The following THADA variants were observed in gnomAD, a reference collection of about 807,000 sequenced individuals.
THADA encodes the protein THADA armadillo repeat containing, also known as tRNA (32-2'-O)-methyltransferase regulator THADA.
THADA carries 213 observed loss-of-function variants against 219.8 expected under a neutral mutation model. The observed-to-expected ratio is 0.97, with a 90% confidence interval of 0.87 to 1.09. THADA has a LOEUF of 1.09. Ranked by LOEUF, THADA falls within the 50% of genes least tolerant of loss-of-function variation. THADA has a pLI of 0.00. For missense variants in THADA, 2,956 were observed against 2,311.3 expected (o/e 1.28, Z -5.72); for synonymous variants, 1,018 against 828.9 (o/e 1.23, Z -3.92).
chr2:43,375,186 T>C (rs1441450545), intron 29 of THADA, among the ~76,000 whole-genome samples: 2 of 152,246 alleles, frequency 1.3e-5, no homozygotes, highest in Non-Finnish European at 2.9e-5. Context: ...TGCGTTATTA[T>C]TTTGCAGATG....
rs529205685 is a variant in THADA at position 43,588,310 on chromosome 2, T to C, written c.303-1308A>G. 4.6e-5 allele frequency among the ~76,000 whole-genome samples: 7 copies of C among 150,570 alleles called. No homozygotes were observed. In the East Asian group the frequency reaches 1.4e-3, roughly 29 times the overall value. On this transcript the variant is annotated intron_variant, in intron 4 of 37. Transcript: ENST00000405975. ...AGTTGAGCAAAAAAAAAAAAAATAG[T>C]ATAAGGCCTGCAAATAATGTTTTAA...
At chr2:43,587,458 T>C (rs71420057) in intron 4 of THADA, among the ~76,000 whole-genome samples, 1 of 152,232 alleles carries the variant, frequency 6.6e-6, no homozygotes, top group Non-Finnish European at 1.5e-5. Flanking sequence ...TTGATCTTTG[T>C]TCACTTAGCT....
intron 36 of THADA, among the ~76,000 whole-genome samples, chr2:43,234,685 A>C (rs1667823105): frequency 6.6e-6 from 1 of 152,060 alleles, no homozygotes; most frequent in South Asian, 2.1e-4. Context: ...ATTGAGACAG[A>C]GTCTGTTGCC....
chr2:43,415,497 C>A (rs1248588872), intron 28 of THADA, among the ~76,000 whole-genome samples: 1 of 152,172 alleles, frequency 6.6e-6, no homozygotes, highest in Non-Finnish European at 1.5e-5. Flanking sequence ...AGCATGGGCA[C>A]TCCACTCAGA....
intron 21 of THADA, among the ~76,000 whole-genome samples, chr2:43,535,096 G>T (rs1405427906): frequency 6.8e-6 from 1 of 147,934 alleles, no homozygotes; most frequent in Non-Finnish European, 1.5e-5. Context: ...CCTGATTTGT[G>T]ATGTTGAACA....
chr2:43,286,362 G>A (rs937077154), intron 35 of THADA, among the ~76,000 whole-genome samples: 4 of 152,162 alleles, frequency 2.6e-5, no homozygotes, highest in Admixed American at 1.3e-4. Context: ...ATAGTGGACT[G>A]AAATTATCAG....
chr2:43,552,377 C>T, intron 17 of THADA, 38 bp from the exon 18 acceptor site: 1 of 1,567,622 alleles, frequency 6.4e-7, no homozygotes, highest in Non-Finnish European at 8.6e-7. Context: ...TAATGTCAAT[C>T]TTAAAACATT....
intron 26 of THADA, among the ~76,000 whole-genome samples, chr2:43,448,560 C>CTTTT (rs71410179): frequency 3.9e-5 from 4 of 103,606 alleles, no homozygotes; most frequent in Admixed American, 3.3e-4. Context: ...TTCTTCCTTT[C>CTTTT]TTTTTTTTTT....
intron 28 of THADA, among the ~76,000 whole-genome samples, chr2:43,414,289 T>G (rs542864209): frequency 2.6e-5 from 4 of 152,362 alleles, no homozygotes; most frequent in Admixed American, 1.3e-4. Flanking sequence ...TACAGTTCAG[T>G]GGCATCAAGT....
intron 34 of THADA, among the ~76,000 whole-genome samples, chr2:43,290,554 T>C (rs1231564788): frequency 6.6e-6 from 1 of 152,182 alleles, no homozygotes; most frequent in Non-Finnish European, 1.5e-5. Flanking sequence ...TCCTCTGGGT[T>C]CCCACGGCCC....
chr2:43,311,357 A>T (rs903617453), intron 31 of THADA, among the ~76,000 whole-genome samples: 1 of 152,224 alleles, frequency 6.6e-6, no homozygotes, highest in African/African-American at 2.4e-5. Context: ...AATAAAACAG[A>T]TGGACAGTAA....
At chr2:43,364,047 C>G (rs537240366) in intron 29 of THADA, among the ~76,000 whole-genome samples, 1 of 151,978 alleles carries the variant, frequency 6.6e-6, no homozygotes, top group Non-Finnish European at 1.5e-5. Flanking sequence ...CATGGTGAAA[C>G]CCTGTTATCT....
chr2:43,288,596 T>C (rs1674326368), intron 34 of THADA, among the ~76,000 whole-genome samples: 2 of 152,172 alleles, frequency 1.3e-5, no homozygotes, highest in African/African-American at 4.8e-5. Context: ...GGACTTCCTC[T>C]CCCTATGGAG....
intron 8 of THADA, among the ~76,000 whole-genome samples, chr2:43,580,792 A>C (rs1482037858): frequency 2.0e-5 from 3 of 151,986 alleles, no homozygotes; most frequent in Non-Finnish European, 4.4e-5. Flanking sequence ...AGGCAAGAAA[A>C]TCGCTTGAAT....
chr2:43,498,436 G>C (rs1688541414), intron 25 of THADA, among the ~76,000 whole-genome samples: 1 of 152,136 alleles, frequency 6.6e-6, no homozygotes, highest in Non-Finnish European at 1.5e-5. Flanking sequence ...TGTAGTGTAA[G>C]TTTACAACAC....
intron 22 of THADA, among the ~76,000 whole-genome samples, chr2:43,510,737 G>A (rs1690308702): frequency 6.6e-6 from 1 of 151,098 alleles, no homozygotes; most frequent in South Asian, 2.1e-4. Flanking sequence ...TTGGGAGGCT[G>A]AGGCGGGAGG....
chr2:43,306,009 C>T (rs1676818460), intron 31 of THADA, among the ~76,000 whole-genome samples: 1 of 131,016 alleles, frequency 7.6e-6, no homozygotes, highest in African/African-American at 2.8e-5. Flanking sequence ...TTTTTTGAGA[C>T]AGGGTCTTAC....
chr2:43,584,963 C>A (rs138206134), intron 7 of THADA, among the ~76,000 whole-genome samples: 1 of 152,154 alleles, frequency 6.6e-6, no homozygotes, highest in Non-Finnish European at 1.5e-5. Context: ...GCACAGTGCA[C>A]GCCAAATACT....
At chr2:43,464,958 GA>G (rs1033085620) in intron 26 of THADA, among the ~76,000 whole-genome samples, 7 of 152,078 alleles carry the variant, frequency 4.6e-5, no homozygotes, top group African/African-American at 1.7e-4. Flanking sequence ...AGAACAGGGG[GA>G]AAAAACCCTG....
Sources: gnomAD v4.1 joint callset for allele counts (sites outside exome capture counted in the v4.1 genomes callset) on GRCh38, gnomAD v4.1.1 for gene constraint, MANE v1.5 for transcripts, NCBI Gene and HGNC (gene_info 2026-07-23, HGNC 2026-07-21) for gene names.